The following C3orf70 variants were observed in gnomAD, a reference collection of about 807,000 sequenced individuals.
C3orf70 encodes UPF0524 protein C3orf70.
Under a neutral mutation model 20.7 loss-of-function variants are expected in C3orf70, and 15 were observed. That is an observed-to-expected ratio of 0.72 (90% CI 0.48 to 1.11). The LOEUF is 1.11. C3orf70 is among the 50% of genes most tolerant of loss of function. C3orf70 has a pLI of 0.00. For missense variants in C3orf70, 332 were observed against 317.6 expected, an observed-to-expected ratio of 1.05 and a Z score of -0.34; for synonymous variants, 161 against 125.7, an observed-to-expected ratio of 1.28 and a Z score of -1.88.
rs1323572480 is a variant in C3orf70, at chr3:185,081,497, G to A, written c.*1510C>T. On this transcript the variant is annotated 3_prime_UTR_variant, in exon 2 of 2. Coordinates refer to ENST00000335012, the MANE Select transcript of C3orf70 (RefSeq NM_001025266.3). Reference sequence around the variant, plus strand: ...GGAATCTCAGAGCACAATGGCCTGAGAGTGCGCTTCTGGATAGTTAGGATG... The same window carrying A: ...GGAATCTCAGAGCACAATGGCCTGAAAGTGCGCTTCTGGATAGTTAGGATG... 6.6e-6 allele frequency: 1 copy of A among 152,114 alleles called. No homozygotes were observed. The highest frequency in any genetic ancestry group is 1.5e-5 in the Non-Finnish European group (1 of 68,040). 9.4% of individuals were successfully genotyped at this position (152,114 alleles called of 1,614,324 possible).
intron 1 of C3orf70, among the ~76,000 whole-genome samples, chr3:185,084,003 G>A (rs1715409055): frequency 6.6e-6 from 1 of 152,106 alleles, no homozygotes; most frequent in South Asian, 2.1e-4. Context: ...TGGCCAACGT[G>A]GCAAAACCCT....
intron 1 of C3orf70, among the ~76,000 whole-genome samples, chr3:185,086,304 G>T (rs1161080175): frequency 6.6e-6 from 1 of 151,760 alleles, no homozygotes; most frequent in East Asian, 1.9e-4. Flanking sequence ...TTTCTTTCTT[G>T]AAAGTGTAGT....
chr3:185,104,597 T>C (rs1373551623), intron 1 of C3orf70, among the ~76,000 whole-genome samples: 1 of 152,058 alleles, frequency 6.6e-6, no homozygotes, highest in Non-Finnish European at 1.5e-5. Flanking sequence ...AATGATAGAC[T>C]GGATAAAGAA....
chr3:185,104,134 C>T (rs749421143), intron 1 of C3orf70, among the ~76,000 whole-genome samples: 1 of 152,204 alleles, frequency 6.6e-6, no homozygotes, highest in Admixed American at 6.5e-5. Context: ...TGGCTCCCCC[C>T]TCCGCTGTGG....
At chr3:185,121,181 G>A (rs1162994530) in intron 1 of C3orf70, among the ~76,000 whole-genome samples, 1 of 152,084 alleles carries the variant, frequency 6.6e-6, no homozygotes, top group Non-Finnish European at 1.5e-5. Flanking sequence ...TAAGCTATGA[G>A]GATGCAAAGG....
At position 185,147,981 on chromosome 3, in the gene C3orf70, C is replaced by T. The variant is rs917988854; in HGVS notation, c.196+4647G>A. Among the ~76,000 whole-genome samples, 7 of 152,200 alleles carry T rather than the reference C, an allele frequency of 4.6e-5. No homozygotes were observed. In the South Asian group the frequency reaches 6.2e-4, roughly 14 times the overall value. On this transcript the variant is annotated intron_variant, in intron 1 of 1. Transcript: ENST00000335012. ...AAACACTAATTTCCCCTGGCTTCTGCAATACCATATTTTCCAGATTTTTCT... is the reference window on the plus strand; with the variant it reads ...AAACACTAATTTCCCCTGGCTTCTGTAATACCATATTTTCCAGATTTTTCT...
chr3:185,129,935 T>G (rs1356305136), intron 1 of C3orf70, among the ~76,000 whole-genome samples: 1 of 152,238 alleles, frequency 6.6e-6, no homozygotes, highest in Non-Finnish European at 1.5e-5. Context: ...AGGTAATCAC[T>G]GACATTTTGG....
intron 1 of C3orf70, among the ~76,000 whole-genome samples, chr3:185,117,418 TACACACAC>T (rs141665642): frequency 1.9e-3 from 258 of 135,204 alleles, no homozygotes; most frequent in African/African-American, 5.8e-3. Flanking sequence ...ACCACACACA[TACACACAC>T]ACACACACAC....
rs1344398774 is a variant in C3orf70, at chr3:185,082,683, C to G, written c.*324G>C. On this transcript the variant is annotated 3_prime_UTR_variant, in exon 2 of 2. Transcript: ENST00000335012. ...CCGGCTCCTTCCCTTTCGGTACCTC[C>G]TCAATCTGATCCAAGATTCTCTGCG... The G allele has an allele frequency of 1.1e-5, 3 of 284,802 alleles. No individual in the cohort carries two copies. Among genetic ancestry groups the G allele is most frequent in the Non-Finnish European group, 2.0e-5 (3 of 151,522 alleles). 17.6% of individuals were successfully genotyped at this position (284,802 alleles called of 1,614,324 possible).
At chr3:185,088,612 T>C (rs1397330727) in intron 1 of C3orf70, among the ~76,000 whole-genome samples, 2 of 152,174 alleles carry the variant, frequency 1.3e-5, no homozygotes, top group Admixed American at 6.5e-5. Flanking sequence ...TGTATTGTAT[T>C]AGGAGGTACA....
chr3:185,128,524 C>T (rs1384744946), intron 1 of C3orf70, among the ~76,000 whole-genome samples: 21 of 134,680 alleles, frequency 1.6e-4, no homozygotes, highest in South Asian at 1.5e-3. Flanking sequence ...GAGACTGTTT[C>T]GGAAAAAAAA....
At position 185,079,935 on chromosome 3, in the gene C3orf70, C is replaced by T. The variant is rs568056464; in HGVS notation, c.*3072G>A. The T allele has an allele frequency of 1.8e-4, 27 of 152,758 alleles. No individual in the cohort carries two copies. In the East Asian group the frequency reaches 4.8e-3, roughly 27 times the overall value. 9.5% of individuals were successfully genotyped at this position (152,758 alleles called of 1,614,324 possible). ...ATTTTCTAAAGTGTCTGTAAGTACA[C>T]AAATTAGCAACATAGTATCAGCGTT... On this transcript the variant is annotated 3_prime_UTR_variant, in exon 2 of 2. Transcript: ENST00000335012.
intron 1 of C3orf70, among the ~76,000 whole-genome samples, chr3:185,089,131 T>C (rs1409291190): frequency 6.6e-6 from 1 of 152,236 alleles, no homozygotes; most frequent in Non-Finnish European, 1.5e-5. Context: ...TCTCCACTGA[T>C]AAACTGAGGC....
chr3:185,100,798 G>A (rs56395809), intron 1 of C3orf70, among the ~76,000 whole-genome samples: 1 of 151,330 alleles, frequency 6.6e-6, no homozygotes, highest in Non-Finnish European at 1.5e-5. Flanking sequence ...TCACTACCTA[G>A]ACTAATAAAG....
intron 1 of C3orf70, among the ~76,000 whole-genome samples, chr3:185,120,950 T>TCA (rs1437937246): frequency 6.6e-6 from 1 of 152,106 alleles, no homozygotes; most frequent in Non-Finnish European, 1.5e-5. Flanking sequence ...GCAGCACCAT[T>TCA]CACAATCGCA....
At chr3:185,115,893 AG>A (rs1223346837) in intron 1 of C3orf70, among the ~76,000 whole-genome samples, 1 of 152,192 alleles carries the variant, frequency 6.6e-6, no homozygotes, top group Non-Finnish European at 1.5e-5. Flanking sequence ...CCCATTCATG[AG>A]GACTCCACCC....
chr3:185,128,633 GCTA>G (rs959217324), intron 1 of C3orf70, among the ~76,000 whole-genome samples: 4 of 151,892 alleles, frequency 2.6e-5, no homozygotes, highest in African/African-American at 7.3e-5. Flanking sequence ...AACCTTGAAG[GCTA>G]CTTAGTCCAG....
Position 185,119,976 on chromosome 3 carries a change from C to A in C3orf70, c.196+32652G>T, listed in dbSNP as rs147704771. Among the ~76,000 whole-genome samples, 1,237 of 139,162 alleles carry A rather than the reference C, an allele frequency of 8.9e-3. 50 individuals are homozygous for A. Among genetic ancestry groups the A allele is most frequent in the East Asian group, 0.082 (392 of 4,778 alleles). 91.3% of individuals were successfully genotyped at this position (139,162 alleles called of 152,430 possible). On this transcript the variant is annotated intron_variant, in intron 1 of 1. Coordinates refer to ENST00000335012, the MANE Select transcript of C3orf70 (RefSeq NM_001025266.3). Reference sequence around the variant, plus strand: ...GGTAGAGGTTGCAGTGAGCTGAGATCGTGACACTGCACTCCAGCCTGGGCA... The same window carrying A: ...GGTAGAGGTTGCAGTGAGCTGAGATAGTGACACTGCACTCCAGCCTGGGCA...
intron 1 of C3orf70, among the ~76,000 whole-genome samples, chr3:185,118,359 C>A (rs1409388877): frequency 6.6e-6 from 1 of 152,152 alleles, no homozygotes; most frequent in Non-Finnish European, 1.5e-5. Context: ...ACAAACCATC[C>A]TGGATATATT....
Sources: gnomAD v4.1 joint callset for allele counts (sites outside exome capture counted in the v4.1 genomes callset) on GRCh38, gnomAD v4.1.1 for gene constraint, MANE v1.5 for transcripts, NCBI Gene and HGNC (gene_info 2026-07-23, HGNC 2026-07-21) for gene names.